Variants in FHOD3 observed in about 807,000 individuals in gnomAD.
The protein encoded by FHOD3 is formin homology 2 domain containing 3, also known as FH1/FH2 domain-containing protein 3.
A neutral mutation model predicts 173.0 loss-of-function variants in FHOD3; 90 were observed. That is an observed-to-expected ratio of 0.52 (90% confidence interval 0.44 to 0.62). FHOD3 has a LOEUF of 0.62. Among genes scored for constraint, FHOD3 ranks in the 20% least tolerant of loss-of-function variants. FHOD3 has a pLI of 0.00. For missense variants in FHOD3, 1,945 were observed against 2,034.7 expected, an observed-to-expected ratio of 0.96 and a Z score of 0.85; for synonymous variants, 828 against 823.0, an observed-to-expected ratio of 1.01 and a Z score of -0.10.
intron 1 of FHOD3, among the ~76,000 whole-genome samples, chr18:36,302,499 G>A (rs185592214): frequency 1.5e-4 from 23 of 152,304 alleles, no homozygotes; most frequent in African/African-American, 5.5e-4. Context: ...ATTTAGGTCA[G>A]GCTCTCAGTA....
At chr18:36,427,544 A>C (rs2050316911) in intron 3 of FHOD3, among the ~76,000 whole-genome samples, 1 of 152,232 alleles carries the variant, frequency 6.6e-6, no homozygotes, top group Non-Finnish European at 1.5e-5. Flanking sequence ...AGACTTCTCC[A>C]GATCCCTCAG....
In FHOD3 at chr18:36,590,722, G is replaced by A. The variant is rs903232507; in HGVS notation, c.607-4065G>A. ...AAAAACAAATTACAGTGCCAAAAAA[G>A]CTCCAAACAGAGCCTGTATCACAGA... On this transcript the variant is annotated intron_variant, in intron 6 of 28. Coordinates refer to ENST00000590592, the MANE Select transcript of FHOD3 (RefSeq NM_001281740.3). 5.3e-5 allele frequency among the ~76,000 whole-genome samples: 8 copies of A among 152,216 alleles called. No homozygotes were observed. The East Asian group carries it at 1.5e-3, about 29-fold the overall frequency.
At chr18:36,322,716 T>C (rs187758192) in intron 1 of FHOD3, among the ~76,000 whole-genome samples, 1 of 152,150 alleles carries the variant, frequency 6.6e-6, no homozygotes. Flanking sequence ...TTCTGTCCAG[T>C]CTTGTCCCTA....
intron 27 of FHOD3, among the ~76,000 whole-genome samples, chr18:36,764,086 T>C (rs980863451): frequency 1.3e-5 from 2 of 152,190 alleles, no homozygotes; most frequent in African/African-American, 4.8e-5. Context: ...GGATACATTC[T>C]GATTGTCTGG....
intron 23 of FHOD3, among the ~76,000 whole-genome samples, chr18:36,744,666 A>T (rs1600522133): frequency 6.6e-6 from 1 of 152,194 alleles, no homozygotes; most frequent in East Asian, 1.9e-4. Flanking sequence ...TCTTGCCCAG[A>T]GGGAACATTT....
At chr18:36,649,824 G>A (rs2035932073) in intron 11 of FHOD3, among the ~76,000 whole-genome samples, 1 of 152,172 alleles carries the variant, frequency 6.6e-6, no homozygotes, top group Non-Finnish European at 1.5e-5. Flanking sequence ...TAGCTAAAAT[G>A]TGTGGATAAC....
intron 3 of FHOD3, among the ~76,000 whole-genome samples, chr18:36,496,517 A>G (rs1345102945): frequency 1.3e-5 from 2 of 152,350 alleles, no homozygotes; most frequent in East Asian, 1.9e-4. Flanking sequence ...GCTTTTTGGT[A>G]CCACTGTTTT....
chr18:36,400,925 G>C (rs536412997), intron 3 of FHOD3, among the ~76,000 whole-genome samples: 1 of 152,350 alleles, frequency 6.6e-6, no homozygotes, highest in South Asian at 2.1e-4. Flanking sequence ...AGTTATAGAA[G>C]GGAGATGGAG....
At chr18:36,618,802 AGT>A (rs2033459085) in intron 9 of FHOD3, among the ~76,000 whole-genome samples, 1 of 152,050 alleles carries the variant, frequency 6.6e-6, no homozygotes, top group Non-Finnish European at 1.5e-5. Flanking sequence ...TCACTGTTAT[AGT>A]AGCATCATAA....
At chr18:36,554,353 A>G in intron 5 of FHOD3, among the ~76,000 whole-genome samples, 1 of 152,164 alleles carries the variant, frequency 6.6e-6, no homozygotes, top group Non-Finnish European at 1.5e-5. Flanking sequence ...GGATGAAGCT[A>G]GAAACCATTA....
chr18:36,335,986 T>C (rs1434440611), intron 1 of FHOD3, among the ~76,000 whole-genome samples: 2 of 152,202 alleles, frequency 1.3e-5, no homozygotes, highest in East Asian at 3.8e-4. Context: ...ATGAACGTTG[T>C]GGCAACCTTT....
intron 17 of FHOD3, among the ~76,000 whole-genome samples, chr18:36,696,402 A>G (rs1052436319): frequency 6.6e-6 from 1 of 152,264 alleles, no homozygotes; most frequent in Admixed American, 6.5e-5. Flanking sequence ...CCTCAGGAGT[A>G]CAGGTCCCTT....
intron 3 of FHOD3, among the ~76,000 whole-genome samples, chr18:36,443,225 AC>A (rs2051256549): frequency 6.6e-6 from 1 of 152,114 alleles, no homozygotes; most frequent in Admixed American, 6.5e-5. Flanking sequence ...TGCTTTTACA[AC>A]CCTTAATAAT....
At chr18:36,695,192 A>C (rs1319680915) in intron 17 of FHOD3, among the ~76,000 whole-genome samples, 1 of 150,354 alleles carries the variant, frequency 6.7e-6, no homozygotes, top group Non-Finnish European at 1.5e-5. Context: ...AAAAAAAAAA[A>C]TACAAAAAAA....
chr18:36,623,900 A>G (rs995500088), intron 9 of FHOD3, among the ~76,000 whole-genome samples: 1 of 152,242 alleles, frequency 6.6e-6, no homozygotes, highest in East Asian at 1.9e-4. Flanking sequence ...GCCTTGCCTC[A>G]GCCGAGCTCA....
intron 11 of FHOD3, among the ~76,000 whole-genome samples, chr18:36,651,169 C>T (rs550899699): frequency 2.0e-5 from 3 of 152,248 alleles, no homozygotes; most frequent in East Asian, 1.9e-4. Context: ...GCCCTCAGCT[C>T]GCTACAGCAT....
At chr18:36,371,961 A>G (rs1028818365) in intron 2 of FHOD3, among the ~76,000 whole-genome samples, 3 of 151,352 alleles carry the variant, frequency 2.0e-5, no homozygotes, top group African/African-American at 7.4e-5. Context: ...GCCAGGACTC[A>G]TGTTTTCTCC....
intron 26 of FHOD3, among the ~76,000 whole-genome samples, chr18:36,760,164 T>A (rs1310457124): frequency 6.6e-6 from 1 of 152,242 alleles, no homozygotes. Context: ...TCGTAAGTGA[T>A]ACTTAAGAAA....
intron 1 of FHOD3, among the ~76,000 whole-genome samples, chr18:36,303,727 C>T (rs1454400616): frequency 1.3e-5 from 2 of 152,114 alleles, no homozygotes; most frequent in Non-Finnish European, 2.9e-5. Flanking sequence ...TCCAGGCAAC[C>T]TCCACACCTC....
Sources: gnomAD v4.1 joint callset for allele counts (sites outside exome capture counted in the v4.1 genomes callset) on GRCh38, gnomAD v4.1.1 for gene constraint, MANE v1.5 for transcripts, NCBI Gene and HGNC (gene_info 2026-07-23, HGNC 2026-07-21) for gene names.